The following IL1RL2 variants were observed in gnomAD, a reference collection of about 807,000 sequenced individuals.
The protein encoded by IL1RL2 is interleukin-1 receptor-like 2.
IL1RL2 carries 68 observed loss-of-function variants against 66.8 expected under a neutral mutation model. That is an observed-to-expected ratio of 1.02 (90% CI 0.84 to 1.25). IL1RL2 has a LOEUF of 1.25. IL1RL2 is among the 50% of genes most tolerant of loss of function. IL1RL2 has a pLI of 0.00. For synonymous variants in IL1RL2, 305 were observed against 264.6 expected (o/e 1.15, Z -1.48); for missense variants, 729 against 709.3 (o/e 1.03, Z -0.32).
chr2:102,195,553 TTC>T (rs1687595195), intron 4 of IL1RL2, among the ~76,000 whole-genome samples: 1 of 56,586 alleles, frequency 1.8e-5, no homozygotes, highest in East Asian at 7.0e-4. Flanking sequence ...TTCTATTTCT[TTC>T]TTTCTCTTTC....
intron 5 of IL1RL2, among the ~76,000 whole-genome samples, chr2:102,201,987 T>A (rs1688298319): frequency 6.6e-6 from 1 of 152,210 alleles, no homozygotes; most frequent in Non-Finnish European, 1.5e-5. Context: ...GCACATAGAC[T>A]AGCTGCTGGG....
At chr2:102,221,660 T>C (rs375851355) in intron 8 of IL1RL2, among the ~76,000 whole-genome samples, 3 of 151,678 alleles carry the variant, frequency 2.0e-5, no homozygotes, top group African/African-American at 7.3e-5. Flanking sequence ...GGGTGACTCC[T>C]GCCCTACACT....
chr2:102,221,908 G>T (rs77085867), intron 8 of IL1RL2, among the ~76,000 whole-genome samples: 7 of 152,242 alleles, frequency 4.6e-5, no homozygotes, highest in Non-Finnish European at 7.4e-5. Context: ...AAGGAACACA[G>T]AATTTCTACA....
At chr2:102,219,391 A>T (rs1689897953) in intron 7 of IL1RL2, among the ~76,000 whole-genome samples, 1 of 152,244 alleles carries the variant, frequency 6.6e-6, no homozygotes. Flanking sequence ...ACAAATGTGT[A>T]TATTGCAACA....
intron 11 of IL1RL2, 123 bp downstream of exon 11, chr2:102,235,400 C>T (rs1017739265): frequency 1.8e-5 from 26 of 1,477,630 alleles, no homozygotes; most frequent in African/African-American, 9.8e-5. Flanking sequence ...CTGGCAGTTG[C>T]GTACTAGTGA....
intron 7 of IL1RL2, 85 bp downstream of exon 7, chr2:102,219,167 C>T (rs1689875161): frequency 6.1e-6 from 9 of 1,472,378 alleles, no homozygotes; most frequent in Non-Finnish European, 2.8e-6. Context: ...CTGCCTTCTC[C>T]TCTTGTTTTT....
chr2:102,198,443 A>G (rs1188762760), intron 4 of IL1RL2, among the ~76,000 whole-genome samples: 1 of 152,140 alleles, frequency 6.6e-6, no homozygotes, highest in Non-Finnish European at 1.5e-5. Flanking sequence ...TTTTTGTTTC[A>G]ATCCCAAATT....
At chr2:102,213,785 A>C (rs1225084406) in intron 6 of IL1RL2, among the ~76,000 whole-genome samples, 1 of 152,172 alleles carries the variant, frequency 6.6e-6, no homozygotes, top group East Asian at 1.9e-4. Context: ...CAAGAATAGA[A>C]GTAGAAAATA....
At chr2:102,187,150 T>C (rs1219553371) in intron 1 of IL1RL2, 64 bp downstream of exon 1, 7 of 1,272,400 alleles carry the variant, frequency 5.5e-6, no homozygotes, top group Non-Finnish European at 7.2e-6. Flanking sequence ...GTAGGAGAGG[T>C]GTGCAGGAAA....
intron 5 of IL1RL2, among the ~76,000 whole-genome samples, chr2:102,210,504 A>G (rs2080310): frequency 0.28 from 42,650 of 152,078 alleles, 6,619 homozygotes; most frequent in East Asian, 0.39. Flanking sequence ...AAGTGCAGGT[A>G]CAGAAGCGCA....
rs1157271153 is a variant in IL1RL2 at position 102,191,993 on chromosome 2, C to A, written c.362C>A (p.Ser121Tyr). ...TTTGAAAAACATTGGTGTGACACTT[C>A]CATAGGTGGTTTACCAAATTTATCA... ...TVFEKHWCDT[S>Y]IGGLPNLSDE... Residue 121 changes from serine to tyrosine, a missense_variant, in exon 4 of 12, where the codon TCC (serine) becomes TAC (tyrosine). By Grantham distance (144) the Ser-to-Tyr change is moderately radical. Transcript: ENST00000264257. The A allele has an allele frequency of 3.1e-6, 5 of 1,612,272 alleles. No individual in the cohort carries two copies. In the African/African-American group the frequency reaches 5.3e-5, roughly 17 times the overall value.
intron 10 of IL1RL2, among the ~76,000 whole-genome samples, chr2:102,234,226 C>T (rs1048180286): frequency 3.9e-5 from 6 of 152,304 alleles, no homozygotes; most frequent in African/African-American, 1.2e-4. Context: ...TTTTCCTATC[C>T]TTTTAAAATC....
chr2:102,234,688 G>A (rs1186567907), intron 10 of IL1RL2, among the ~76,000 whole-genome samples: 14 of 152,174 alleles, frequency 9.2e-5, no homozygotes, highest in Non-Finnish European at 2.1e-4. Context: ...TTAGGAGGCT[G>A]AGGCAGGAGA....
At chr2:102,221,055 C>T (rs559988022) in intron 8 of IL1RL2, among the ~76,000 whole-genome samples, 11 of 152,304 alleles carry the variant, frequency 7.2e-5, no homozygotes, top group African/African-American at 2.6e-4. Context: ...TGAGTGAGCA[C>T]AGCACCCTCT....
In IL1RL2 at chr2:102,198,712, T is replaced by C. The variant is rs145486128; in HGVS notation, c.490-2844T>C. ...ATCATCACTGAGTTCTTTTCCTCTA[T>C]ATTTGGGTCTTAGGATTTGAGGTTC... On this transcript the variant is annotated intron_variant, in intron 4 of 11. Coordinates refer to ENST00000264257, the MANE Select transcript of IL1RL2 (RefSeq NM_003854.4). Among the ~76,000 whole-genome samples the C allele has an allele frequency of 1.7e-3, 265 of 152,318 alleles. 2 individuals carry two copies. The highest frequency in any genetic ancestry group is 5.8e-3 in the African/African-American group (242 of 41,578).
intron 6 of IL1RL2, among the ~76,000 whole-genome samples, chr2:102,218,001 A>C (rs1689759965): frequency 6.6e-6 from 1 of 152,194 alleles, no homozygotes; most frequent in South Asian, 2.1e-4. Context: ...TAATCTACAG[A>C]ATGGGAGAAA....
chr2:102,229,236 T>A (rs1244264100), intron 9 of IL1RL2, among the ~76,000 whole-genome samples: 2 of 152,204 alleles, frequency 1.3e-5, no homozygotes, highest in Non-Finnish European at 1.5e-5. Context: ...CATAACAATT[T>A]TAAGGGAGTG....
chr2:102,206,249 C>A (rs1472473246), intron 5 of IL1RL2, among the ~76,000 whole-genome samples: 1 of 152,062 alleles, frequency 6.6e-6, no homozygotes, highest in African/African-American at 2.4e-5. Context: ...GCCCCTGGTG[C>A]CTTATTTAAT....
chr2:102,232,983 T>C lies in IL1RL2; in HGVS notation c.1156T>C (p.Tyr386His). Residue 386 changes from tyrosine to histidine, a missense_variant, in exon 10 of 12, where the codon TAT (tyrosine) becomes CAT (histidine). By Grantham distance (83) the Tyr-to-His change is moderately conservative. Coordinates refer to ENST00000264257, the MANE Select transcript of IL1RL2 (RefSeq NM_003854.4). ...TTCAGATGGGAAGCTGTATGACGCC[T>C]ATGTCTTATACCCCAAGCCCCACAA... ...TIVDGKLYDA[Y>H]VLYPKPHKES... 6.2e-7 allele frequency: 1 copy of C among 1,613,552 alleles called. No homozygotes were observed. The highest frequency in any genetic ancestry group is 8.5e-7 in the Non-Finnish European group (1 of 1,179,598).
Sources: allele counts gnomAD v4.1 joint callset (sites outside exome capture counted in the v4.1 genomes callset), GRCh38; gene constraint gnomAD v4.1.1; transcripts MANE v1.5; gene names NCBI Gene and HGNC (gene_info 2026-07-23, HGNC 2026-07-21).